The following SPECC1 variants were observed in gnomAD, a reference collection of about 807,000 sequenced individuals.
SPECC1 encodes sperm antigen with calponin homology and coiled-coil domains 1.
Under a neutral mutation model 104.1 loss-of-function variants are expected in SPECC1, and 62 were observed. That is an observed-to-expected ratio of 0.60 (90% CI 0.49 to 0.74). The LOEUF is 0.74. Among genes scored for constraint, SPECC1 ranks in the 30% least tolerant of loss-of-function variants. SPECC1 has a pLI of 0.00. For missense variants in SPECC1, 1,306 were observed against 1,310.5 expected (o/e 1.00, Z 0.05); for synonymous variants, 513 against 501.6 (o/e 1.02, Z -0.30).
chr17:20,261,496 C>T lies in SPECC1; in HGVS notation c.2940+1202C>T, dbSNP rs866581081. The stretch of plus-strand genomic sequence containing the variant: ...CAGGCTGGGCGACAGAGCAAGACTC[C>T]GTCTCAAAAAAAAAAAAAAAAAAAA... On this transcript the variant is annotated intron_variant, in intron 12 of 14. Coordinates refer to ENST00000395527, the MANE Select transcript of SPECC1 (RefSeq NM_001243439.2). 1.6e-4 allele frequency among the ~76,000 whole-genome samples: 22 copies of T among 134,882 alleles called. No homozygotes were observed. In the Middle Eastern group the frequency reaches 0.011, roughly 69 times the overall value. 88.5% of individuals were successfully genotyped at this position (134,882 alleles called of 152,430 possible).
chr17:20,016,210 T>G (rs1358823983), intron 1 of SPECC1, among the ~76,000 whole-genome samples: 2 of 115,812 alleles, frequency 1.7e-5, no homozygotes, highest in Non-Finnish European at 3.5e-5. Context: ...AGAGAGCGAC[T>G]CCATCTCAAA....
At chr17:20,080,059 T>C (rs759636241) in intron 1 of SPECC1, among the ~76,000 whole-genome samples, 14 of 152,218 alleles carry the variant, frequency 9.2e-5, no homozygotes, top group Non-Finnish European at 1.9e-4. Context: ...CCATTACTTA[T>C]TACAGTTCCT....
At chr17:20,163,841 G>T (rs1006102286) in intron 3 of SPECC1, among the ~76,000 whole-genome samples, 1 of 152,046 alleles carries the variant, frequency 6.6e-6, no homozygotes, top group African/African-American at 2.4e-5. Context: ...GATTTTATAG[G>T]TGTGAGCCAC....
chr17:20,300,045 T>A (rs2041516071), intron 13 of SPECC1, among the ~76,000 whole-genome samples: 1 of 152,224 alleles, frequency 6.6e-6, no homozygotes, highest in Non-Finnish European at 1.5e-5. Context: ...AATTTTTAAT[T>A]TCAATTTTCA....
chr17:20,137,127 C>A (rs1461005333), intron 3 of SPECC1, among the ~76,000 whole-genome samples: 2 of 152,244 alleles, frequency 1.3e-5, no homozygotes, highest in African/African-American at 2.4e-5. Context: ...TCTGCCCACT[C>A]CTGTTTGGCC....
intron 3 of SPECC1, 86 bp downstream of exon 3, chr17:20,110,648 C>T: frequency 7.2e-7 from 1 of 1,385,668 alleles, no homozygotes; most frequent in Non-Finnish European, 9.5e-7. Flanking sequence ...CCATCCATTC[C>T]TTCCCTCGTG....
chr17:20,205,315 A>G lies in SPECC1; in HGVS notation c.1266A>G (p.Leu422=). 1 of 1,614,258 alleles carries G rather than the reference A, an allele frequency of 6.2e-7. No homozygotes were observed. Among genetic ancestry groups the G allele is most frequent in the Non-Finnish European group, 8.5e-7 (1 of 1,180,054 alleles). ...NEKLVDEKTI[L]ETSFHQHRER... ...AGCTGGTGGATGAAAAGACGATTTT[A>G]GAGACATCCTTTCATCAGCATCGAG... Residue 422 remains leucine, a synonymous_variant, in exon 4 of 15, where the codon TTA becomes TTG. Transcript: ENST00000395527.
intron 14 of SPECC1, among the ~76,000 whole-genome samples, chr17:20,312,103 A>G (rs1027009700): frequency 2.0e-5 from 3 of 152,164 alleles, no homozygotes; most frequent in African/African-American, 4.8e-5. Flanking sequence ...TAGTTTTGGT[A>G]TCAGGATAAT....
intron 1 of SPECC1, among the ~76,000 whole-genome samples, chr17:20,027,154 T>A (rs2044630693): frequency 2.0e-5 from 3 of 152,090 alleles, no homozygotes; most frequent in South Asian, 4.1e-4. Context: ...CTTCCCAATT[T>A]AAAAATTTAT....
intron 3 of SPECC1, among the ~76,000 whole-genome samples, chr17:20,196,082 C>A (rs2036016073): frequency 6.6e-6 from 1 of 152,200 alleles, no homozygotes; most frequent in South Asian, 2.1e-4. Flanking sequence ...TTTTTACAAA[C>A]CTTCCACAAC....
At chr17:20,119,742 C>T (rs569697145) in intron 3 of SPECC1, among the ~76,000 whole-genome samples, 11 of 152,298 alleles carry the variant, frequency 7.2e-5, no homozygotes, top group East Asian at 1.9e-4. Context: ...AGTATTGTTT[C>T]GGTAATCATT....
chr17:20,291,426 T>C (rs769611532), intron 12 of SPECC1, among the ~76,000 whole-genome samples: 6 of 152,210 alleles, frequency 3.9e-5, no homozygotes, highest in Non-Finnish European at 8.8e-5. Context: ...TTTCTTTTTG[T>C]TCTGGCTTTC....
intron 3 of SPECC1, among the ~76,000 whole-genome samples, chr17:20,202,766 G>A (rs1358472644): frequency 6.6e-6 from 1 of 152,186 alleles, no homozygotes; most frequent in Admixed American, 6.5e-5. Context: ...GTTATACACA[G>A]AGTTTTGACT....
rs548699000 is a variant in SPECC1, at chr17:20,063,586, C to G, written c.-21-33045C>G. Among the ~76,000 whole-genome samples, 17 of 152,300 alleles carry G rather than the reference C, an allele frequency of 1.1e-4. No individual in the cohort carries two copies. The South Asian group carries it at 3.5e-3, about 32-fold the overall frequency. ...CTGCTTTCTGTGGACTCAGAGAAGA[C>G]CCGTTCATGTAGAGGAAGGTGGGAA... On this transcript the variant is annotated intron_variant, in intron 1 of 14. Transcript: ENST00000395527.
At chr17:20,038,000 G>T (rs2045160783) in intron 1 of SPECC1, among the ~76,000 whole-genome samples, 1 of 152,058 alleles carries the variant, frequency 6.6e-6, no homozygotes, top group South Asian at 2.1e-4. Context: ...GGTAATTTGT[G>T]TTTTTTCAGT....
At chr17:20,096,175 T>G in intron 1 of SPECC1, 1 of 152,528 alleles carries the variant, frequency 6.6e-6, no homozygotes. Flanking sequence ...AAAAAAGTCA[T>G]TTTGTGCTTC....
At position 20,239,411 on chromosome 17, in the gene SPECC1, G is replaced by C. The variant is rs964764177; in HGVS notation, c.2352-6515G>C. 11 of 509,230 alleles carry C rather than the reference G, an allele frequency of 2.2e-5. No individual in the cohort carries two copies. In the African/African-American group the frequency reaches 2.3e-4, roughly 11 times the overall value. 31.5% of individuals were successfully genotyped at this position (509,230 alleles called of 1,614,324 possible). A position where few individuals can be genotyped will look rare whatever the true frequency, so the allele number is the denominator to read the frequency against. ...CATTTTCATATTTTTAATAAAAATT[G>C]GATTATATTCTTTTCAGTACTCTGC... On this transcript the variant is annotated intron_variant, in intron 7 of 14. Transcript: ENST00000395527.
chr17:20,188,735 G>C (rs1384433460), intron 3 of SPECC1, among the ~76,000 whole-genome samples: 2 of 152,160 alleles, frequency 1.3e-5, no homozygotes, highest in African/African-American at 4.8e-5. Flanking sequence ...AAACCAAAGT[G>C]CTACACAAAG....
At chr17:20,277,824 C>T (rs2040625075) in intron 12 of SPECC1, among the ~76,000 whole-genome samples, 1 of 152,206 alleles carries the variant, frequency 6.6e-6, no homozygotes, top group African/African-American at 2.4e-5. Flanking sequence ...TGGACTTACA[C>T]AGAATGTGCC....
Sources: gnomAD v4.1 joint callset for allele counts (sites outside exome capture counted in the v4.1 genomes callset) on GRCh38, gnomAD v4.1.1 for gene constraint, MANE v1.5 for transcripts, NCBI Gene and HGNC (gene_info 2026-07-23, HGNC 2026-07-21) for gene names.